OSBPL9: variants seen among roughly 807,000 people sequenced by gnomAD.
OSBPL9 encodes oxysterol binding protein like 9, also known as oxysterol-binding protein-related protein 9.
A neutral mutation model predicts 106.6 loss-of-function variants in OSBPL9; 40 were observed. The observed-to-expected ratio is 0.38, with a 90% confidence interval of 0.29 to 0.49. OSBPL9 has a LOEUF of 0.49. Among genes scored for constraint, OSBPL9 ranks in the 20% least tolerant of loss-of-function variants. OSBPL9 has a pLI of 0.97. For synonymous variants in OSBPL9, 269 were observed against 295.4 expected, an observed-to-expected ratio of 0.91 and a Z score of 0.92; for missense variants, 609 against 887.2, an observed-to-expected ratio of 0.69 and a Z score of 3.98.
the OSBPL9 span, among the ~76,000 whole-genome samples, chr1:51,563,439 C>T: frequency 6.6e-6 from 1 of 152,194 alleles, no homozygotes; most frequent in East Asian, 1.9e-4. Flanking sequence ...TGGCCTTTAC[C>T]AGCCCACCCC....
At chr1:51,681,331 C>T (rs527565647) in intron 3 of OSBPL9, among the ~76,000 whole-genome samples, 1 of 152,204 alleles carries the variant, frequency 6.6e-6, no homozygotes, top group African/African-American at 2.4e-5. Flanking sequence ...TCCTTAATGA[C>T]ATTTTGCCTT....
At chr1:51,698,062 C>T (rs925247899) in intron 3 of OSBPL9, among the ~76,000 whole-genome samples, 4 of 151,894 alleles carry the variant, frequency 2.6e-5, no homozygotes, top group African/African-American at 9.7e-5. Context: ...CTTATAAGGC[C>T]GAGGTACTGT....
intron 4 of OSBPL9, among the ~76,000 whole-genome samples, chr1:51,722,115 G>GT (rs1440916452): frequency 6.6e-6 from 1 of 152,064 alleles, no homozygotes; most frequent in Admixed American, 6.6e-5. Flanking sequence ...GAGGCCAGAA[G>GT]TTTAAGAGTA....
At chr1:51,747,553 C>CTTTGTT (rs1668252120) in intron 6 of OSBPL9, among the ~76,000 whole-genome samples, 1 of 42,384 alleles carries the variant, frequency 2.4e-5, no homozygotes, top group African/African-American at 8.6e-5. Context: ...CTCTCCTTGG[C>CTTTGTT]TTTTTTTTTT....
Position 51,789,056 on chromosome 1 carries a change from C to T in OSBPL9, c.*1267C>T. On this transcript the variant is annotated 3_prime_UTR_variant, in exon 24 of 24. Transcript: ENST00000428468. ...CATTCTGCTAATTTTCCTTTGCCAG[C>T]TCCTACAGTAACCCTGGGTTTATTA... 1 of 658,670 alleles carries T rather than the reference C, an allele frequency of 1.5e-6. No individual in the cohort carries two copies. The highest frequency in any genetic ancestry group is 2.6e-6 in the Non-Finnish European group (1 of 386,210). 40.8% of individuals were successfully genotyped at this position (658,670 alleles called of 1,614,324 possible). A position where few individuals can be genotyped will look rare whatever the true frequency, so the allele number is the denominator to read the frequency against.
intron 21 of OSBPL9, 50 bp downstream of exon 21, chr1:51,785,936 C>G (rs948644095): frequency 6.8e-6 from 10 of 1,462,720 alleles, no homozygotes; most frequent in African/African-American, 1.4e-5. Context: ...AGATTGTACT[C>G]TATCCCTTTT....
the OSBPL9 span, among the ~76,000 whole-genome samples, chr1:51,553,804 G>A: frequency 1.3e-5 from 2 of 151,940 alleles, no homozygotes; most frequent in Admixed American, 6.6e-5. Flanking sequence ...TCAGCCTCCC[G>A]AGTACCTGGG....
In OSBPL9 at chr1:51,617,239, A is replaced by G. The variant is rs1261614033; in HGVS notation, c.111+18A>G. ...ACTACACGGTGAGTCCTTGGAGGGC[A>G]CAGCTCCAGGCGCCTCGGGGCCGCG... is the stretch of plus-strand genomic sequence containing the variant. On this transcript the variant is annotated intron_variant, in intron 1 of 23. Coordinates refer to ENST00000428468, the MANE Select transcript of OSBPL9 (RefSeq NM_024586.6). The G allele has an allele frequency of 8.8e-6, 14 of 1,594,972 alleles. No homozygotes were observed. The highest frequency in any genetic ancestry group is 1.1e-5 in the Non-Finnish European group (13 of 1,168,848).
the OSBPL9 span, chr1:51,563,669 C>G: frequency 6.6e-6 from 1 of 152,264 alleles, no homozygotes; most frequent in African/African-American, 2.4e-5. Context: ...CACTCCCCAT[C>G]CATAGCCTCC....
chr1:51,746,818 CTAAG>C (rs1668081355), intron 6 of OSBPL9, 61 bp downstream of exon 6: 1 of 1,349,538 alleles, frequency 7.4e-7, no homozygotes, highest in South Asian at 1.2e-5. Flanking sequence ...TTGGAGAACA[CTAAG>C]TATCTTAGTG....
the OSBPL9 span, chr1:51,519,150 G>A: frequency 1.5e-6 from 2 of 1,352,358 alleles, no homozygotes; most frequent in African/African-American, 3.0e-5. Context: ...GGGCGGTGGG[G>A]GAGGGGGCAC....
At chr1:51,744,577 G>C (rs1455621513) in intron 4 of OSBPL9, among the ~76,000 whole-genome samples, 2 of 152,162 alleles carry the variant, frequency 1.3e-5, no homozygotes, top group South Asian at 2.1e-4. Context: ...TTGGGCGAAG[G>C]CAGGGAGGAG....
the OSBPL9 span, among the ~76,000 whole-genome samples, chr1:51,530,204 A>AAAAAAAAAAAAAAAAAAAAAC: frequency 6.9e-6 from 1 of 143,970 alleles, no homozygotes; most frequent in Non-Finnish European, 1.5e-5. Flanking sequence ...AAAAAAAAAA[A>AAAAAAAAAAAAAAAAAAAAAC]ACCTCTAAGA....
At chr1:51,765,690 A>G (rs1056466787) in intron 11 of OSBPL9, 132 bp from the exon 12 acceptor site, 10 of 737,388 alleles carry the variant, frequency 1.4e-5, no homozygotes, top group Non-Finnish European at 1.9e-5. Flanking sequence ...GATTTTCTTT[A>G]TAAATACTGT....
intron 2 of OSBPL9, among the ~76,000 whole-genome samples, chr1:51,599,333 A>G (rs1645316900): frequency 6.6e-6 from 1 of 152,186 alleles, no homozygotes; most frequent in Admixed American, 6.5e-5. Flanking sequence ...AATCGCTTGT[A>G]CTATTTTGGT....
chr1:51,595,469 C>G (rs987355475), intron 1 of OSBPL9, among the ~76,000 whole-genome samples: 2 of 152,088 alleles, frequency 1.3e-5, no homozygotes, highest in African/African-American at 4.8e-5. Context: ...CCTGAGGGGG[C>G]CCAGAAGAGG....
intron 4 of OSBPL9, among the ~76,000 whole-genome samples, chr1:51,734,722 C>T (rs1156812527): frequency 6.6e-6 from 1 of 152,158 alleles, no homozygotes; most frequent in African/African-American, 2.4e-5. Context: ...GGCCACATAG[C>T]TAGAGAGTAA....
intron 3 of OSBPL9, chr1:51,707,178 T>C: frequency 2.4e-6 from 1 of 408,452 alleles, no homozygotes; most frequent in South Asian, 1.9e-5. Flanking sequence ...CACCACCCTG[T>C]TGGTGTAGCC....
At chr1:51,641,562 T>A (rs935273959) in intron 1 of OSBPL9, among the ~76,000 whole-genome samples, 1 of 152,206 alleles carries the variant, frequency 6.6e-6, no homozygotes, top group Non-Finnish European at 1.5e-5. Flanking sequence ...TTTCAGAAAT[T>A]TCTTACCCTG....
Sources: allele counts gnomAD v4.1 joint callset (sites outside exome capture counted in the v4.1 genomes callset), GRCh38; gene constraint gnomAD v4.1.1; transcripts MANE v1.5; gene names NCBI Gene and HGNC (gene_info 2026-07-23, HGNC 2026-07-21).